The following PSD3 variants were observed in gnomAD, a reference collection of about 807,000 sequenced individuals.
The protein encoded by PSD3 is PH and SEC7 domain-containing protein 3.
A neutral mutation model predicts 105.5 loss-of-function variants in PSD3; 49 were observed. The ratio of observed to expected loss-of-function variants is 0.46; its 90% CI spans 0.37 to 0.59. The LOEUF is 0.59. Among genes scored for constraint, PSD3 ranks in the 20% least tolerant of loss-of-function variants. The pLI is 0.00. For synonymous variants in PSD3, 557 were observed against 457.8 expected, an observed-to-expected ratio of 1.22 and a Z score of -2.77; for missense variants, 1,561 against 1,263.8, an observed-to-expected ratio of 1.24 and a Z score of -3.57.
chr8:19,038,758 C>T (rs1043592358), intron 1 of PSD3, among the ~76,000 whole-genome samples: 5 of 152,112 alleles, frequency 3.3e-5, no homozygotes, highest in Non-Finnish European at 5.9e-5. Flanking sequence ...CCCTTAGATC[C>T]CACACTTCTG....
In PSD3 at chr8:18,872,538, T is replaced by G; in HGVS notation, c.326A>C (p.Glu109Ala). Reference sequence around the variant, plus strand: ...GGCCTCTCTGACATCTTTTGGTCCTTCTGTAACACTGTCGAGCCCAGAGTG... The same window carrying G: ...GGCCTCTCTGACATCTTTTGGTCCTGCTGTAACACTGTCGAGCCCAGAGTG... Reference protein sequence around the residue: ...GCHSGLDSVTEGPKDVREAPS... With the variant: ...GCHSGLDSVTAGPKDVREAPS... Residue 109 changes from glutamate to alanine, a missense_variant, in exon 3 of 16, where the codon GAA becomes GCA. Coordinates refer to ENST00000327040, the MANE Select transcript of PSD3 (RefSeq NM_015310.4). The G allele has an allele frequency of 6.2e-7, 1 of 1,614,096 alleles. No individual in the cohort carries two copies. The highest frequency in any genetic ancestry group is 8.5e-7 in the Non-Finnish European group (1 of 1,179,996).
At chr8:18,839,258 A>G (rs924167722) in intron 4 of PSD3, among the ~76,000 whole-genome samples, 9 of 152,190 alleles carry the variant, frequency 5.9e-5, no homozygotes, top group Admixed American at 3.3e-4. Context: ...GCATGGACAG[A>G]AGAGACATTT....
intron 9 of PSD3, chr8:18,733,187 T>C (rs1803895606): frequency 2.0e-5 from 3 of 152,170 alleles, no homozygotes; most frequent in African/African-American, 7.2e-5. Context: ...AAAGAAATGC[T>C]ACAAGGATTT....
chr8:18,892,144 T>C (rs893686285), intron 2 of PSD3, among the ~76,000 whole-genome samples: 1 of 150,292 alleles, frequency 6.7e-6, no homozygotes. Context: ...TAATCTTTCT[T>C]TCCCTATTGT....
intron 2 of PSD3, among the ~76,000 whole-genome samples, chr8:18,919,885 G>C (rs1264185297): frequency 6.7e-6 from 1 of 150,168 alleles, no homozygotes; most frequent in Non-Finnish European, 1.5e-5. Flanking sequence ...AGCATTGGGA[G>C]ATATACCTAA....
At chr8:18,801,157 G>C (rs915271600) in intron 7 of PSD3, 113 bp downstream of exon 7, 1 of 616,254 alleles carries the variant, frequency 1.6e-6, no homozygotes, top group South Asian at 2.4e-5. Flanking sequence ...AGTGTTAATA[G>C]TTATCACTAG....
intron 2 of PSD3, among the ~76,000 whole-genome samples, chr8:18,901,511 C>T (rs1180304407): frequency 6.6e-6 from 1 of 152,096 alleles, no homozygotes; most frequent in Non-Finnish European, 1.5e-5. Context: ...TTCCTTTCTT[C>T]CTCCTTTCGT....
chr8:18,815,003 T>C (rs1812090983), intron 4 of PSD3, among the ~76,000 whole-genome samples: 1 of 152,236 alleles, frequency 6.6e-6, no homozygotes, highest in Non-Finnish European at 1.5e-5. Context: ...AAGAGCTGGG[T>C]ACCCACACCA....
At chr8:19,055,869 C>G (rs987444754) in intron 1 of PSD3, among the ~76,000 whole-genome samples, 1 of 152,162 alleles carries the variant, frequency 6.6e-6, no homozygotes, top group Non-Finnish European at 1.5e-5. Context: ...AAGGTAGACA[C>G]AGAAATCAAT....
intron 2 of PSD3, among the ~76,000 whole-genome samples, chr8:18,919,426 C>T (rs1407395494): frequency 1.3e-5 from 2 of 152,112 alleles, no homozygotes; most frequent in Admixed American, 6.5e-5. Flanking sequence ...CATCCAAGGA[C>T]TACCTGAATC....
At chr8:18,596,593 A>G (rs560010619) in intron 12 of PSD3, among the ~76,000 whole-genome samples, 13 of 152,180 alleles carry the variant, frequency 8.5e-5, no homozygotes, top group Admixed American at 6.5e-4. Context: ...CTGGACTAAG[A>G]AAAAAACAGA....
chr8:18,602,637 A>C lies in PSD3; in HGVS notation c.2411-2203T>G, dbSNP rs533839141. Among the ~76,000 whole-genome samples the C allele has an allele frequency of 9.9e-5, 15 of 152,156 alleles. No individual in the cohort carries two copies. The South Asian group carries it at 3.1e-3, about 32-fold the overall frequency. ...TCCATTTAACTCACACCGTAATGCT[A>C]AGAGTAAGGTACTATTGATACTTCC... is the stretch of plus-strand genomic sequence containing the variant. On this transcript the variant is annotated intron_variant, in intron 11 of 15. Coordinates refer to ENST00000327040, the MANE Select transcript of PSD3 (RefSeq NM_015310.4).
intron 1 of PSD3, among the ~76,000 whole-genome samples, chr8:19,034,101 A>C (rs2129476388): frequency 6.6e-6 from 1 of 152,324 alleles, no homozygotes; most frequent in African/African-American, 2.4e-5. Context: ...CTATTTGTAA[A>C]GGATCTAATG....
At chr8:18,681,987 C>A (rs893475907) in intron 9 of PSD3, among the ~76,000 whole-genome samples, 1 of 146,680 alleles carries the variant, frequency 6.8e-6, no homozygotes, top group Admixed American at 6.8e-5. Flanking sequence ...TTAACTCCTG[C>A]GGCGTTTGCA....
rs1233877619 is a variant in PSD3, at chr8:18,804,902, T to G, written c.1635-4A>C. 2 of 1,576,340 alleles carry G rather than the reference T, an allele frequency of 1.3e-6. No individual in the cohort carries two copies. The highest frequency in any genetic ancestry group is 2.2e-5 in the East Asian group (1 of 44,716). On this transcript the variant is annotated splice_polypyrimidine_tract_variant and splice_region_variant and intron_variant, in intron 4 of 15. Coordinates refer to ENST00000327040, the MANE Select transcript of PSD3 (RefSeq NM_015310.4). ...TGTTGTTTTCACCCCAGCATTGCTA[T>G]GATAATTGATAAAGAGAGAAAATAA...
At chr8:18,834,984 T>C (rs1037621662) in intron 4 of PSD3, among the ~76,000 whole-genome samples, 1 of 152,306 alleles carries the variant, frequency 6.6e-6, no homozygotes, top group South Asian at 2.1e-4. Context: ...ATAAAGCTCA[T>C]CCATGTCAAA....
At chr8:18,735,092 G>T (rs982454354) in intron 9 of PSD3, among the ~76,000 whole-genome samples, 15 of 152,140 alleles carry the variant, frequency 9.9e-5, no homozygotes, top group Non-Finnish European at 1.9e-4. Flanking sequence ...TAAAACTAGG[G>T]TCTGTTGATT....
intron 11 of PSD3, among the ~76,000 whole-genome samples, chr8:18,610,624 C>T (rs755420341): frequency 6.6e-6 from 1 of 152,112 alleles, no homozygotes; most frequent in Admixed American, 6.5e-5. Flanking sequence ...GAACCTATAC[C>T]TATTGCTTTT....
At chr8:18,574,979 C>T (rs1351066458) in intron 13 of PSD3, 149 bp downstream of exon 13, 1 of 745,750 alleles carries the variant, frequency 1.3e-6, no homozygotes, top group African/African-American at 1.8e-5. Context: ...CTCTAATCTT[C>T]TTAGGCAGTT....
Sources: allele counts gnomAD v4.1 joint callset (sites outside exome capture counted in the v4.1 genomes callset), GRCh38; gene constraint gnomAD v4.1.1; transcripts MANE v1.5; gene names NCBI Gene and HGNC (gene_info 2026-07-23, HGNC 2026-07-21).